Variants in MSRB3 observed in about 807,000 individuals in gnomAD.
MSRB3 encodes methionine sulfoxide reductase B3, also known as methionine-R-sulfoxide reductase B3.
In MSRB3, 13 loss-of-function variants were observed where a neutral mutation model predicts 21.0. The ratio of observed to expected loss-of-function variants is 0.62; its 90% CI spans 0.40 to 0.98. MSRB3 has a LOEUF of 0.98. MSRB3 is among the 50% of genes least tolerant of loss of function. The probability of loss-of-function intolerance (pLI) is 0.00; values close to 1 mark genes in which losing one functional copy is unlikely to be tolerated. For missense variants in MSRB3, 199 were observed against 230.3 expected, an observed-to-expected ratio of 0.86 and a Z score of 0.88; for synonymous variants, 87 against 88.6, an observed-to-expected ratio of 0.98 and a Z score of 0.10.
At chr12:65,390,818 G>C (rs565842828) in intron 5 of MSRB3, among the ~76,000 whole-genome samples, 2 of 152,084 alleles carry the variant, frequency 1.3e-5, no homozygotes, top group Admixed American at 1.3e-4. Context: ...ATTGTGGTAA[G>C]ATTGCAGTTG....
intron 4 of MSRB3, among the ~76,000 whole-genome samples, chr12:65,332,323 T>C (rs1264760901): frequency 2.0e-5 from 3 of 151,404 alleles, no homozygotes; most frequent in Non-Finnish European, 4.4e-5. Flanking sequence ...ATGAAAAGTG[T>C]GTGGAGTTTC....
intron 1 of MSRB3, among the ~76,000 whole-genome samples, chr12:65,288,722 A>G (rs916933530): frequency 6.6e-6 from 1 of 152,166 alleles, no homozygotes; most frequent in South Asian, 2.1e-4. Context: ...AAAAGTCCTC[A>G]TTTAGCAGGA....
intron 5 of MSRB3, among the ~76,000 whole-genome samples, chr12:65,381,110 G>C (rs1051510673): frequency 1.3e-5 from 2 of 152,138 alleles, no homozygotes; most frequent in African/African-American, 4.8e-5. Flanking sequence ...TTCCTGCTGA[G>C]AAAGATATTC....
chr12:65,410,708 T>C (rs1212484330), intron 5 of MSRB3, among the ~76,000 whole-genome samples: 1 of 152,164 alleles, frequency 6.6e-6, no homozygotes, highest in East Asian at 1.9e-4. Flanking sequence ...TTAATAACTT[T>C]TAGCTCTTGC....
At chr12:65,348,965 A>T (rs1364260447) in intron 4 of MSRB3, among the ~76,000 whole-genome samples, 4 of 151,922 alleles carry the variant, frequency 2.6e-5, no homozygotes, top group African/African-American at 7.3e-5. Context: ...TGTGCAGGTT[A>T]GTTACATATG....
At chr12:65,346,446 T>C (rs1241189407) in intron 4 of MSRB3, among the ~76,000 whole-genome samples, 4 of 152,196 alleles carry the variant, frequency 2.6e-5, no homozygotes, top group Admixed American at 6.5e-5. Flanking sequence ...GTTTTTTTCT[T>C]GTAAATTTGT....
At chr12:65,392,522 A>G (rs142804607) in intron 5 of MSRB3, among the ~76,000 whole-genome samples, 42 of 152,302 alleles carry the variant, frequency 2.8e-4, no homozygotes, top group African/African-American at 9.6e-4. Context: ...AATTTGTACA[A>G]CTGGTCTTTT....
chr12:65,341,294 A>G (rs553076465), intron 4 of MSRB3, among the ~76,000 whole-genome samples: 1 of 152,258 alleles, frequency 6.6e-6, no homozygotes, highest in East Asian at 1.9e-4. Flanking sequence ...AAGTAAAATA[A>G]GCCAGACACA....
chr12:65,417,688 T>G (rs558972695), intron 5 of MSRB3, among the ~76,000 whole-genome samples: 4 of 152,322 alleles, frequency 2.6e-5, no homozygotes, highest in African/African-American at 9.6e-5. Flanking sequence ...TCTGTTTTTG[T>G]GAGTTGAAAT....
At chr12:65,459,804 G>T (rs79062263) in intron 6 of MSRB3, among the ~76,000 whole-genome samples, 2,817 of 152,242 alleles carry the variant, frequency 0.019, 102 homozygotes, top group African/African-American at 0.065. Flanking sequence ...CACTATTTGT[G>T]TTTCTTATGT....
At chr12:65,340,368 A>G (rs759899277) in intron 4 of MSRB3, among the ~76,000 whole-genome samples, 1 of 152,180 alleles carries the variant, frequency 6.6e-6, no homozygotes, top group Non-Finnish European at 1.5e-5. Context: ...TTCAGTTATA[A>G]CATGTATATA....
chr12:65,447,250 C>A (rs1300016033), intron 5 of MSRB3, among the ~76,000 whole-genome samples: 1 of 152,002 alleles, frequency 6.6e-6, no homozygotes, highest in Non-Finnish European at 1.5e-5. Flanking sequence ...TGTAGGATAA[C>A]TGACCTTGGC....
intron 2 of MSRB3, among the ~76,000 whole-genome samples, chr12:65,323,273 G>A (rs533579736): frequency 1.9e-4 from 29 of 152,164 alleles, no homozygotes; most frequent in African/African-American, 4.3e-4. Flanking sequence ...CTGGGGCTTC[G>A]AAACAATACT....
At chr12:65,282,064 C>T (rs1872056616) in intron 1 of MSRB3, 1 of 152,092 alleles carries the variant, frequency 6.6e-6, no homozygotes, top group Non-Finnish European at 1.5e-5. Flanking sequence ...CGCCTGTAAT[C>T]CCAGCACTTT....
chr12:65,339,978 T>C (rs1421080192), intron 4 of MSRB3, among the ~76,000 whole-genome samples: 1 of 152,186 alleles, frequency 6.6e-6, no homozygotes, highest in Non-Finnish European at 1.5e-5. Flanking sequence ...GCACAAAGCC[T>C]GGCATTCATA....
chr12:65,416,761 A>G (rs1471175322), intron 5 of MSRB3, among the ~76,000 whole-genome samples: 1 of 152,350 alleles, frequency 6.6e-6, no homozygotes, highest in East Asian at 1.9e-4. Flanking sequence ...TATGCAGTCC[A>G]TAGTTGACCT....
chr12:65,434,767 T>A (rs7976802), intron 5 of MSRB3, among the ~76,000 whole-genome samples: 49,001 of 151,824 alleles, frequency 0.32, 8,202 homozygotes, highest in Middle Eastern at 0.48. Context: ...TCATGTAAAT[T>A]CCTTACATTT....
At chr12:65,399,952 C>T (rs368166429) in intron 5 of MSRB3, among the ~76,000 whole-genome samples, 23 of 152,108 alleles carry the variant, frequency 1.5e-4, no homozygotes, top group South Asian at 4.2e-4. Context: ...GGGATGAAGC[C>T]GACTTGATCA....
At chr12:65,323,123 G>T (rs1227637803) in intron 2 of MSRB3, among the ~76,000 whole-genome samples, 2 of 152,192 alleles carry the variant, frequency 1.3e-5, no homozygotes, top group African/African-American at 2.4e-5. Context: ...GCTAATGGCT[G>T]TGATCCTTAT....
Sources: gnomAD v4.1 joint callset for allele counts (sites outside exome capture counted in the v4.1 genomes callset) on GRCh38, gnomAD v4.1.1 for gene constraint, MANE v1.5 for transcripts, NCBI Gene and HGNC (gene_info 2026-07-23, HGNC 2026-07-21) for gene names.